The following LLPH variants were observed in gnomAD, a reference collection of about 807,000 sequenced individuals.
LLPH encodes the protein LLP homolog, long-term synaptic facilitation factor.
A neutral mutation model predicts 13.3 loss-of-function variants in LLPH; 5 were observed. That is an observed-to-expected ratio of 0.38 (90% CI 0.20 to 0.79). The LOEUF is 0.79. Among genes scored for constraint, LLPH ranks in the 30% least tolerant of loss-of-function variants. The pLI is 0.45. For missense variants in LLPH, 129 were observed against 152.1 expected (o/e 0.85, Z 0.80); for synonymous variants, 32 against 44.2 (o/e 0.72, Z 1.09).
At position 66,121,264 on chromosome 12, in the gene LLPH, A is replaced by G. The variant is rs1044108066; in HGVS notation, c.*2576T>C. 2 of 151,254 alleles carry G rather than the reference A, an allele frequency of 1.3e-5. No individual in the cohort carries two copies. Among genetic ancestry groups the G allele is most frequent in the Non-Finnish European group, 2.9e-5 (2 of 68,418 alleles). 9.4% of individuals were successfully genotyped at this position (151,254 alleles called of 1,614,324 possible). ...AATGTAAATAAGTGCCAACTGTGTA[A>G]TATCACGAATGTAGACTTTTTTTTT... On this transcript the variant is annotated 3_prime_UTR_variant, in exon 3 of 3. Coordinates refer to ENST00000266604, the MANE Select transcript of LLPH (RefSeq NM_032338.4).
chr12:66,124,776 G>C (rs2051486036), intron 2 of LLPH, among the ~76,000 whole-genome samples: 1 of 152,126 alleles, frequency 6.6e-6, no homozygotes, highest in Non-Finnish European at 1.5e-5. Context: ...TCAATAACTA[G>C]GTGTTGAATG....
In LLPH at chr12:66,123,923, T is replaced by C; in HGVS notation, c.307A>G (p.Lys103Glu). 1 of 1,613,182 alleles carries C rather than the reference T, an allele frequency of 6.2e-7. No homozygotes were observed. ...YPIWMNQRQRKRLKAKREKRK... is the reference protein window; with the variant it reads ...YPIWMNQRQRERLKAKREKRK... Reference sequence around the variant, plus strand: ...TTCTCTCGCTTTGCCTTCAGCCTTTTTCTTTGCCTTTGGTTCATCCATATT... The same window carrying C: ...TTCTCTCGCTTTGCCTTCAGCCTTTCTCTTTGCCTTTGGTTCATCCATATT... The change falls in exon 3 of 3, where the codon AAA becomes GAA. Residue 103 changes from lysine (K) to glutamate (E), a missense_variant. Lys to Glu is a moderately conservative substitution (Grantham distance 56, BLOSUM62 1). Transcript: ENST00000266604.
chr12:66,124,135 A>G, intron 2 of LLPH, 117 bp from the exon 3 acceptor site: 1 of 628,680 alleles, frequency 1.6e-6, no homozygotes, highest in Admixed American at 3.2e-5. Flanking sequence ...CCGAAAATAG[A>G]GAAGAAAAAA....
chr12:66,129,208 A>C, intron 1 of LLPH, 95 bp from the exon 2 acceptor site: 1 of 784,076 alleles, frequency 1.3e-6, no homozygotes, highest in Non-Finnish European at 2.1e-6. Context: ...AGGTATCTCT[A>C]CAAAACAAGT....
At chr12:66,129,183 GA>G in intron 1 of LLPH, 70 bp from the exon 2 acceptor site, 1 of 1,035,284 alleles carries the variant, frequency 9.7e-7, no homozygotes, top group Non-Finnish European at 1.5e-6. Context: ...CAAATCCTTA[GA>G]AAACCAGGCC....
intron 2 of LLPH, among the ~76,000 whole-genome samples, chr12:66,126,804 G>A (rs1043967759): frequency 1.2e-4 from 18 of 151,842 alleles, no homozygotes; most frequent in Non-Finnish European, 2.4e-4. Context: ...GGTGGCACAC[G>A]CCTGTATTCC....
At position 66,117,698 on chromosome 12, in the gene LLPH, G is replaced by A. The variant is rs1379272952; in HGVS notation, c.*6142C>T. 3 of 152,238 alleles carry A rather than the reference G, an allele frequency of 2.0e-5. No homozygotes were observed. Among genetic ancestry groups the A allele is most frequent in the African/African-American group, 7.2e-5 (3 of 41,454 alleles). 9.4% of individuals were successfully genotyped at this position (152,238 alleles called of 1,614,324 possible). On this transcript the variant is annotated 3_prime_UTR_variant, in exon 3 of 3. Coordinates refer to ENST00000266604, the MANE Select transcript of LLPH (RefSeq NM_032338.4). ...TGCACAAGAAGGTGTTGCTCTCATA[G>A]GAGATGGCAACTCCATGCCTGTTAT... is the stretch of plus-strand genomic sequence containing the variant.
At chr12:66,124,845 C>T (rs2051486395) in intron 2 of LLPH, among the ~76,000 whole-genome samples, 1 of 152,130 alleles carries the variant, frequency 6.6e-6, no homozygotes, top group East Asian at 1.9e-4. Context: ...AACTCCTAGC[C>T]CTCACGGAGT....
Position 66,123,905 on chromosome 12 carries a change from G to A in LLPH, c.325C>T (p.Arg109Ter), listed in dbSNP as rs771222748. The change falls in exon 3 of 3, where the codon CGA (arginine) becomes TGA (stop). Residue 109 changes from arginine (R) to a stop codon, truncating the protein, a stop_gained. Transcript: ENST00000266604. LOFTEE classifies it high-confidence loss of function. ...TTGCTTTTCCCCTTTCTTTTCTCTC[G>A]CTTTGCCTTCAGCCTTTTTCTTTGC... The part of the protein sequence containing the change: ...QRQRKRLKAK[R>*]EKRKGKSKAK... The A allele has an allele frequency of 6.2e-6, 10 of 1,611,924 alleles. No individual in the cohort carries two copies. Among genetic ancestry groups the A allele is most frequent in the East Asian group, 2.2e-5 (1 of 44,876 alleles).
rs1413849360 is a variant in LLPH at position 66,120,130 on chromosome 12, A to T, written c.*3710T>A. 1 of 152,214 alleles carries T rather than the reference A, an allele frequency of 6.6e-6. No homozygotes were observed. The highest frequency in any genetic ancestry group is 1.5e-5 in the Non-Finnish European group (1 of 68,050). The allele number at this position is 152,214 out of a possible 1,614,324, so 9.4% of individuals were successfully genotyped here. A position where few individuals can be genotyped will look rare whatever the true frequency, so the allele number is the denominator to read the frequency against. ...CTTCCCCTTTTGGATTGGTCAGCCC[A>T]TTCCTAATGAAGTGTCACCTGAGGA... On this transcript the variant is annotated 3_prime_UTR_variant, in exon 3 of 3. Transcript: ENST00000266604.
chr12:66,130,078 A>G (rs1473150617), intron 1 of LLPH, among the ~76,000 whole-genome samples: 2 of 152,122 alleles, frequency 1.3e-5, no homozygotes, highest in Non-Finnish European at 1.5e-5. Flanking sequence ...CTACGTCTGT[A>G]AAGAGTCCAA....
At chr12:66,128,863 AAAAAGAG>A in intron 2 of LLPH, 26 bp downstream of exon 2, 1 of 1,505,056 alleles carries the variant, frequency 6.6e-7, no homozygotes. Flanking sequence ...AAAAAAAAAA[AAAAAGAG>A]AAAGAAAAAG....
At chr12:66,128,646 T>C (rs1315498174) in intron 2 of LLPH, among the ~76,000 whole-genome samples, 2 of 152,076 alleles carry the variant, frequency 1.3e-5, no homozygotes, top group Non-Finnish European at 2.9e-5. Flanking sequence ...CATATGTATA[T>C]ACATGAACAG....
chr12:66,127,226 CA>C (rs34183548), intron 2 of LLPH, among the ~76,000 whole-genome samples: 10,813 of 152,258 alleles, frequency 0.071, 1,000 homozygotes, highest in East Asian at 0.51. Context: ...TGAATGTTCA[CA>C]GCAGCACTAT....
At chr12:66,128,822 G>C in intron 2 of LLPH, 74 bp downstream of exon 2, 1 of 1,021,860 alleles carries the variant, frequency 9.8e-7, no homozygotes, top group Non-Finnish European at 1.5e-6. Context: ...CTCTAGCCTA[G>C]GTGACAGAGG....
rs2051453251 is a variant in LLPH, at chr12:66,120,036, G to C, written c.*3804C>G. The stretch of plus-strand genomic sequence containing the variant: ...AAAACCACTACTTGATTCTACCTTA[G>C]AGCTTCAACTGCAGTTTGCATTTCT... On this transcript the variant is annotated 3_prime_UTR_variant, in exon 3 of 3. Coordinates refer to ENST00000266604, the MANE Select transcript of LLPH (RefSeq NM_032338.4). 1 of 152,204 alleles carries C rather than the reference G, an allele frequency of 6.6e-6. No individual in the cohort carries two copies. The highest frequency in any genetic ancestry group is 2.4e-5 in the African/African-American group (1 of 41,446). 9.4% of individuals were successfully genotyped at this position (152,204 alleles called of 1,614,324 possible). A position where few individuals can be genotyped will look rare whatever the true frequency, so the allele number is the denominator to read the frequency against.
At chr12:66,128,773 G>T in intron 2 of LLPH, 123 bp downstream of exon 2, 1 of 683,706 alleles carries the variant, frequency 1.5e-6, no homozygotes, top group Non-Finnish European at 2.5e-6. Flanking sequence ...TTCAGCTCAG[G>T]AATTCAAGGC....
chr12:66,127,707 ATG>A (rs1016320093), intron 2 of LLPH, among the ~76,000 whole-genome samples: 1 of 152,230 alleles, frequency 6.6e-6, no homozygotes, highest in African/African-American at 2.4e-5. Context: ...GGGAGGGGTG[ATG>A]TGTGTGTGAG....
intron 2 of LLPH, among the ~76,000 whole-genome samples, chr12:66,125,962 G>A (rs1055194644): frequency 1.3e-5 from 2 of 152,174 alleles, no homozygotes; most frequent in Non-Finnish European, 2.9e-5. Context: ...GAAGATATAT[G>A]CCCATTAAGA....
Sources: gnomAD v4.1 joint callset for allele counts (sites outside exome capture counted in the v4.1 genomes callset) on GRCh38, gnomAD v4.1.1 for gene constraint, MANE v1.5 for transcripts, NCBI Gene and HGNC (gene_info 2026-07-23, HGNC 2026-07-21) for gene names.